PLCE1: variants seen among roughly 807,000 people sequenced by gnomAD.
PLCE1 encodes the protein 1-phosphatidylinositol 4,5-bisphosphate phosphodiesterase epsilon-1.
A neutral mutation model predicts 242.8 loss-of-function variants in PLCE1; 119 were observed. The ratio of observed to expected loss-of-function variants is 0.49; its 90% CI spans 0.42 to 0.57. The LOEUF is 0.57. Ranked by LOEUF, PLCE1 falls within the 20% of genes least tolerant of loss-of-function variation. The pLI, the probability that PLCE1 is intolerant of heterozygous loss-of-function variation, is 0.00. For missense variants in PLCE1, 2,441 were observed against 2,788.8 expected, an observed-to-expected ratio of 0.88 and a Z score of 2.81; for synonymous variants, 945 against 1,017.4, an observed-to-expected ratio of 0.93 and a Z score of 1.35.
intron 4 of PLCE1, among the ~76,000 whole-genome samples, chr10:94,196,431 C>G (rs898551597): frequency 6.6e-6 from 1 of 152,022 alleles, no homozygotes; most frequent in Non-Finnish European, 1.5e-5. Flanking sequence ...GGAGAAGCTC[C>G]GAGGGGAAGA....
intron 2 of PLCE1, among the ~76,000 whole-genome samples, chr10:94,120,560 A>G (rs1161965260): frequency 1.3e-5 from 2 of 152,210 alleles, no homozygotes; most frequent in Non-Finnish European, 2.9e-5. Flanking sequence ...AGAAACCTTT[A>G]AGAATTAAAT....
At chr10:94,035,931 A>C (rs1262882242) in intron 2 of PLCE1, among the ~76,000 whole-genome samples, 2 of 152,178 alleles carry the variant, frequency 1.3e-5, no homozygotes, top group African/African-American at 4.8e-5. Flanking sequence ...TTGTAAATCG[A>C]TTAAGGACAA....
At chr10:94,069,797 T>C (rs1456556530) in intron 2 of PLCE1, among the ~76,000 whole-genome samples, 1 of 152,166 alleles carries the variant, frequency 6.6e-6, no homozygotes, top group Non-Finnish European at 1.5e-5. Context: ...TCCCCTCTTT[T>C]TGAAGCTATC....
chr10:94,188,661 A>C (rs1397715118), intron 4 of PLCE1, among the ~76,000 whole-genome samples: 1 of 152,140 alleles, frequency 6.6e-6, no homozygotes, highest in East Asian at 1.9e-4. Flanking sequence ...GCTGGAGCGC[A>C]ATGGCACAAT....
rs372074708 is a variant in PLCE1, at chr10:94,316,494, ATTTGT to A, written c.6133-49_6133-45del. 2.8e-3 allele frequency: 3,197 copies of A among 1,142,702 alleles called. 28 individuals carry two copies. In the African/African-American group the frequency reaches 0.03, roughly 11 times the overall value. The allele number at this position is 1,142,702 out of a possible 1,614,324, so 70.8% of individuals were successfully genotyped here. ...ACCTATCTGAACACCATGAAAGTTG[ATTTGT>A]TTTAAGTTTTTGCCTCACTCCTCAG... On this transcript the variant is annotated intron_variant, in intron 28 of 32. Coordinates refer to ENST00000371380, the MANE Select transcript of PLCE1 (RefSeq NM_016341.4).
chr10:94,097,206 C>G (rs928232941), intron 2 of PLCE1, among the ~76,000 whole-genome samples: 1 of 152,006 alleles, frequency 6.6e-6, no homozygotes, highest in Non-Finnish European at 1.5e-5. Context: ...AAGGGAAACC[C>G]TAGAATATCT....
chr10:94,102,341 T>C (rs2045570065), intron 2 of PLCE1, among the ~76,000 whole-genome samples: 1 of 152,196 alleles, frequency 6.6e-6, no homozygotes, highest in South Asian at 2.1e-4. Context: ...GAGAGAGACA[T>C]AGTCTAAGTT....
intron 4 of PLCE1, among the ~76,000 whole-genome samples, chr10:94,192,769 G>A (rs1268485232): frequency 6.6e-6 from 1 of 152,186 alleles, no homozygotes; most frequent in Non-Finnish European, 1.5e-5. Flanking sequence ...ACTTTTCACA[G>A]TGGCTGAACT....
rs776831439 is a variant in PLCE1 at position 94,313,361 on chromosome 10, G to A, written c.6111G>A (p.Lys2037=). 1.2e-6 allele frequency: 2 copies of A among 1,614,166 alleles called. No individual in the cohort carries two copies. Among genetic ancestry groups the A allele is most frequent in the Non-Finnish European group, 1.7e-6 (2 of 1,180,006 alleles). The change falls in exon 28 of 33, where the codon AAG becomes AAA. Residue 2037 remains lysine, a synonymous_variant. Coordinates refer to ENST00000371380, the MANE Select transcript of PLCE1 (RefSeq NM_016341.4). ...TTTTCACTATTAATGGAGGCACCAAGGCAAAGCAGCTTCTGCAGCAAGTAA... is the reference window on the plus strand; with the variant it reads ...TTTTCACTATTAATGGAGGCACCAAAGCAAAGCAGCTTCTGCAGCAAGTAA... ...FTVFTINGGT[K]AKQLLQQILT...
In PLCE1 at chr10:94,316,504, A is replaced by C. The variant is rs746366015; in HGVS notation, c.6133-43A>C. ...ACACCATGAAAGTTGATTTGTTTTA[A>C]GTTTTTGCCTCACTCCTCAGTTTGC... On this transcript the variant is annotated intron_variant, in intron 28 of 32. Coordinates refer to ENST00000371380, the MANE Select transcript of PLCE1 (RefSeq NM_016341.4). 3.9e-6 allele frequency: 5 copies of C among 1,269,024 alleles called. No individual in the cohort carries two copies. The Admixed American group carries it at 8.4e-5, about 21-fold the overall frequency. The allele number at this position is 1,269,024 out of a possible 1,614,324, so 78.6% of individuals were successfully genotyped here.
At chr10:94,325,964 T>C (rs899067848) in intron 32 of PLCE1, among the ~76,000 whole-genome samples, 2 of 152,196 alleles carry the variant, frequency 1.3e-5, no homozygotes, top group African/African-American at 2.4e-5. Flanking sequence ...AGCCTCAATC[T>C]TGGAAATGCA....
intron 19 of PLCE1, among the ~76,000 whole-genome samples, chr10:94,274,154 C>A (rs1223018288): frequency 6.6e-6 from 1 of 152,054 alleles, no homozygotes; most frequent in Non-Finnish European, 1.5e-5. Flanking sequence ...CTGCTTGGGC[C>A]CAGATCCGGA....
intron 24 of PLCE1, among the ~76,000 whole-genome samples, chr10:94,299,026 G>A (rs772419990): frequency 2.0e-5 from 3 of 152,134 alleles, no homozygotes; most frequent in Non-Finnish European, 2.9e-5. Flanking sequence ...GTCTCACTAC[G>A]CAGTTGTTCT....
intron 2 of PLCE1, among the ~76,000 whole-genome samples, chr10:94,121,512 G>T (rs962744308): frequency 1.3e-5 from 2 of 152,146 alleles, no homozygotes; most frequent in Admixed American, 6.5e-5. Flanking sequence ...AAAGATTCAG[G>T]TATTTATGCT....
chr10:94,310,207 C>G (rs1200463134), intron 27 of PLCE1, among the ~76,000 whole-genome samples: 1 of 152,232 alleles, frequency 6.6e-6, no homozygotes, highest in Non-Finnish European at 1.5e-5. Context: ...AAGGCACCTT[C>G]TGCGCTCACA....
chr10:94,313,226 A>G, intron 27 of PLCE1, 28 bp from the exon 28 acceptor site: 1 of 1,613,108 alleles, frequency 6.2e-7, no homozygotes. Context: ...TTACGGATGA[A>G]TGATCAGCCA....
chr10:94,053,889 AT>A (rs1365218702), intron 2 of PLCE1, among the ~76,000 whole-genome samples: 8 of 152,154 alleles, frequency 5.3e-5, no homozygotes, highest in South Asian at 4.2e-4. Context: ...GTTTTTCTTT[AT>A]TTTTTTTATA....
rs1473855938 is a variant in PLCE1 at position 94,306,410 on chromosome 10, T to C, written c.5623-17T>C. 1 of 1,614,178 alleles carries C rather than the reference T, an allele frequency of 6.2e-7. No homozygotes were observed. The highest frequency in any genetic ancestry group is 8.5e-7 in the Non-Finnish European group (1 of 1,179,998). ...TATCCTCGGTGACTTTGATCCCTTT[T>C]GTCTCCCTCACCCTAGATTGTCTCT... On this transcript the variant is annotated splice_polypyrimidine_tract_variant and intron_variant, in intron 25 of 32. Coordinates refer to ENST00000371380, the MANE Select transcript of PLCE1 (RefSeq NM_016341.4). This position sits in a 1 kb window ranked among gnomAD's most constrained non-coding sequence, Gnocchi z 5.7.
chr10:94,207,913 T>G (rs1398276342), intron 4 of PLCE1, among the ~76,000 whole-genome samples: 1 of 151,962 alleles, frequency 6.6e-6, no homozygotes, highest in Non-Finnish European at 1.5e-5. Flanking sequence ...CCAATTTAAA[T>G]GAATATGTGA....
Sources: gnomAD v4.1 joint callset for allele counts (sites outside exome capture counted in the v4.1 genomes callset) on GRCh38, gnomAD v4.1.1 for gene constraint, Gnocchi (gnomAD v3.1) non-coding constraint, MANE v1.5 for transcripts, NCBI Gene and HGNC (gene_info 2026-07-23, HGNC 2026-07-21) for gene names.